CTSH: variants seen among roughly 807,000 people sequenced by gnomAD.
CTSH encodes the protein pro-cathepsin H.
A neutral mutation model predicts 56.3 loss-of-function variants in CTSH; 52 were observed. That is an observed-to-expected ratio of 0.92 (90% confidence interval 0.74 to 1.16). CTSH has a LOEUF of 1.16. Ranked by LOEUF, CTSH falls within the 50% of genes most tolerant of loss-of-function variation. The pLI is 0.00. For synonymous variants in CTSH, 174 were observed against 155.7 expected (o/e 1.12, Z -0.88); for missense variants, 406 against 424.5 (o/e 0.96, Z 0.38).
rs2055160457 is a variant in CTSH, at chr15:78,935,700, A to C, written c.280T>G (p.Tyr94Asp). Residue 94 changes from tyrosine (Y) to aspartate (D), a missense_variant, in exon 4 of 12, where the codon TAT (tyrosine) becomes GAT (aspartate). Coordinates refer to ENST00000220166, the MANE Select transcript of CTSH (RefSeq NM_004390.5). ...CCTACCTGAGGCTCTGACCAGAGAT[A>C]CTTGTGTTTTATTTCAGCAAAGCTC... ...DMSFAEIKHK[Y>D]LWSEPQNCSA... 6.2e-7 allele frequency: 1 copy of C among 1,611,240 alleles called. No homozygotes were observed. The highest frequency in any genetic ancestry group is 8.5e-7 in the Non-Finnish European group (1 of 1,177,632).
chr15:78,931,948 A>G, intron 6 of CTSH: 1 of 1,165,184 alleles, frequency 8.6e-7, no homozygotes, highest in Non-Finnish European at 1.1e-6. Flanking sequence ...GGCAGGGGCT[A>G]GGATAGTTCC....
At position 78,925,457 on chromosome 15, in the gene CTSH, G is replaced by A. The variant is rs200903855; in HGVS notation, c.700-17C>T. ...CTCGTCATACTGTGGAAACAGGACCGAGACAGAAACACATGGCCTGTCACC... is the reference window on the plus strand; with the variant it reads ...CTCGTCATACTGTGGAAACAGGACCAAGACAGAAACACATGGCCTGTCACC... On this transcript the variant is annotated splice_polypyrimidine_tract_variant and intron_variant, in intron 9 of 11. Transcript: ENST00000220166. 3.1e-5 allele frequency: 49 copies of A among 1,559,448 alleles called. No homozygotes were observed. Among genetic ancestry groups the A allele is most frequent in the African/African-American group, 1.2e-4 (9 of 74,054 alleles).
At chr15:78,926,172 T>TA (rs1411917950) in intron 9 of CTSH, 8 of 152,358 alleles carry the variant, frequency 5.3e-5, no homozygotes, top group African/African-American at 1.7e-4. Flanking sequence ...GGGGGGAAGT[T>TA]ACCTGTGCTG....
intron 7 of CTSH, among the ~76,000 whole-genome samples, chr15:78,930,157 A>G (rs2055019527): frequency 6.6e-6 from 1 of 152,210 alleles, no homozygotes; most frequent in Admixed American, 6.5e-5. Flanking sequence ...GGGCCTACAC[A>G]CAGCGGGTGC....
At chr15:78,928,951 A>G (rs911716193) in intron 8 of CTSH, among the ~76,000 whole-genome samples, 1 of 151,986 alleles carries the variant, frequency 6.6e-6, no homozygotes, top group African/African-American at 2.4e-5. Flanking sequence ...GGGGAAAGAC[A>G]AGGCACTTGG....
At chr15:78,927,928 GTCCT>G in intron 8 of CTSH, 147 bp from the exon 9 acceptor site, 6 of 692,596 alleles carry the variant, frequency 8.7e-6, no homozygotes, top group Admixed American at 2.2e-5. Flanking sequence ...AAGCATCCTT[GTCCT>G]CAAGGAGCTT....
rs998011476 is a variant in CTSH at position 78,937,615 on chromosome 15, T to C, written c.124-192A>G. ...CAAAACAACCCCGTTTTCAGGGACC[T>C]GTGGCCAGAATGAAGACCATGCAGC... On this transcript the variant is annotated intron_variant, in intron 2 of 11. Transcript: ENST00000220166. 39 of 1,407,470 alleles carry C rather than the reference T, an allele frequency of 2.8e-5. No homozygotes were observed. In the Admixed American group the frequency reaches 7.0e-4, roughly 25 times the overall value. 87.2% of individuals were successfully genotyped at this position (1,407,470 alleles called of 1,614,324 possible).
chr15:78,922,843 C>A (rs556138065), intron 11 of CTSH, 150 bp downstream of exon 11: 169 of 921,448 alleles, frequency 1.8e-4, no homozygotes, highest in Admixed American at 5.0e-4. Flanking sequence ...AGGCTACATT[C>A]TCATGCTCCC....
intron 10 of CTSH, among the ~76,000 whole-genome samples, chr15:78,923,932 C>T (rs886160110): frequency 6.6e-6 from 1 of 152,168 alleles, no homozygotes; most frequent in African/African-American, 2.4e-5. Context: ...TAGGCTCGCG[C>T]CAGGGCCAGG....
chr15:78,941,420 T>C (rs2055286038), intron 1 of CTSH, among the ~76,000 whole-genome samples: 2 of 59,386 alleles, frequency 3.4e-5, no homozygotes, highest in East Asian at 4.0e-4. Context: ...CGAGACTCTG[T>C]CTAAAAAAAA....
In CTSH at chr15:78,922,094, T is replaced by C. The variant is rs1454722513; in HGVS notation, c.*36A>G. ...CCCAGGCCCAGGCTGCCCGTTCCTC[T>C]CCTTCTCCGCCAGTCTGCGCTGCGG... On this transcript the variant is annotated 3_prime_UTR_variant, in exon 12 of 12. Coordinates refer to ENST00000220166, the MANE Select transcript of CTSH (RefSeq NM_004390.5). 1.9e-6 allele frequency: 3 copies of C among 1,545,328 alleles called. No homozygotes were observed. Among genetic ancestry groups the C allele is most frequent in the East Asian group, 4.9e-5 (2 of 41,034 alleles).
intron 10 of CTSH, among the ~76,000 whole-genome samples, chr15:78,924,847 G>A (rs867878315): frequency 1.4e-4 from 20 of 146,780 alleles, no homozygotes; most frequent in Admixed American, 8.2e-4. Flanking sequence ...GCACCACCAC[G>A]CTGGCTTTTT....
rs201782561 is a variant in CTSH, at chr15:78,937,348, C to G, written c.199G>C (p.Ala67Pro). 6.2e-7 allele frequency: 1 copy of G among 1,614,020 alleles called. No individual in the cohort carries two copies. Reference sequence around the variant, plus strand: ...AATGTGTGGTTCCCATTGTTGTGGGCGTTTATCTTCCTCCAGTTGCTGGCA... The same window carrying G: ...AATGTGTGGTTCCCATTGTTGTGGGGGTTTATCTTCCTCCAGTTGCTGGCA... ...TFASNWRKINAHNNGNHTFKM... is the reference protein window; with the variant it reads ...TFASNWRKINPHNNGNHTFKM... Residue 67 changes from alanine to proline, a missense_variant, in exon 3 of 12, where the codon GCC becomes CCC. Transcript: ENST00000220166.
intron 6 of CTSH, 104 bp from the exon 7 acceptor site, chr15:78,931,610 A>T: frequency 6.3e-7 from 1 of 1,591,378 alleles, no homozygotes. Flanking sequence ...AGGCCCCGTC[A>T]GTGCTGTGTC....
At position 78,932,423 on chromosome 15, in the gene CTSH, A is replaced by C. The variant is rs1158282664; in HGVS notation, c.441T>G (p.Thr147=). ...ACGSCWTFST[T]GALESAIAIA... ...TGGCGATCGCAGACTCCAGGGCCCCAGTGGTGGAGAAAGTCCAGCAACTGC... is the reference window on the plus strand; with the variant it reads ...TGGCGATCGCAGACTCCAGGGCCCCCGTGGTGGAGAAAGTCCAGCAACTGC... The change falls in exon 6 of 12, where the codon ACT becomes ACG. Residue 147 remains threonine (T), a synonymous_variant. Transcript: ENST00000220166. 4 of 1,613,990 alleles carry C rather than the reference A, an allele frequency of 2.5e-6. No individual in the cohort carries two copies. Among genetic ancestry groups the C allele is most frequent in the Non-Finnish European group, 2.5e-6 (3 of 1,180,016 alleles).
intron 2 of CTSH, among the ~76,000 whole-genome samples, chr15:78,938,187 G>C (rs1340965627): frequency 6.6e-6 from 1 of 152,150 alleles, no homozygotes; most frequent in Non-Finnish European, 1.5e-5. Context: ...TGGCCAACAT[G>C]GCGAACCCCC....
At chr15:78,931,063 T>C (rs148800496) in intron 7 of CTSH, among the ~76,000 whole-genome samples, 1,543 of 152,284 alleles carry the variant, frequency 0.01, 30 homozygotes, top group African/African-American at 0.036. Flanking sequence ...GCTGGGACTT[T>C]AGTGAGTTCA....
rs2054813276 is a variant in CTSH at position 78,923,129 on chromosome 15, A to C, written c.807-11T>G. 1.2e-6 allele frequency: 2 copies of C among 1,612,590 alleles called. No individual in the cohort carries two copies. The highest frequency in any genetic ancestry group is 2.2e-5 in the South Asian group (2 of 90,714). ...TTATGGCAGGAAGTACTGGAAAACA[A>C]AATTCAAAAAGAGGTGATCATATGG... On this transcript the variant is annotated splice_polypyrimidine_tract_variant and intron_variant, in intron 10 of 11. Transcript: ENST00000220166.
At chr15:78,938,695 T>C (rs1446043969) in intron 2 of CTSH, among the ~76,000 whole-genome samples, 3 of 152,236 alleles carry the variant, frequency 2.0e-5, no homozygotes, top group Admixed American at 6.5e-5. Context: ...ATCTTGGCTA[T>C]TGTGACTAGT....
Sources: allele counts gnomAD v4.1 joint callset (sites outside exome capture counted in the v4.1 genomes callset), GRCh38; gene constraint gnomAD v4.1.1; transcripts MANE v1.5; gene names NCBI Gene and HGNC (gene_info 2026-07-23, HGNC 2026-07-21).